Variants in PPP2R2D observed in about 807,000 individuals in gnomAD.
PPP2R2D encodes the protein serine/threonine-protein phosphatase 2A 55 kDa regulatory subunit B delta isoform.
PPP2R2D carries 9 observed loss-of-function variants against 31.1 expected under a neutral mutation model. The observed-to-expected ratio is 0.29, with a 90% CI of 0.17 to 0.51. The LOEUF is 0.51. PPP2R2D is among the 20% of genes least tolerant of loss of function. PPP2R2D has a pLI of 0.98. For missense variants in PPP2R2D, 391 were observed against 465.6 expected (o/e 0.84, Z 1.48); for synonymous variants, 179 against 172.6 (o/e 1.04, Z -0.29).
rs1437324257 is a variant in PPP2R2D, at chr10:131,957,930, T to G, written c.*1967T>G. 5.2e-4 allele frequency: 53 copies of G among 101,700 alleles called. No individual in the cohort carries two copies. The highest frequency in any genetic ancestry group is 1.0e-3 in the South Asian group (4 of 4,000). 6.3% of individuals were successfully genotyped at this position (101,700 alleles called of 1,614,324 possible). On this transcript the variant is annotated 3_prime_UTR_variant, in exon 9 of 9. Transcript: ENST00000455566. Reference sequence around the variant, plus strand: ...CCCCGTCCCCCTGTGGAGATGAAGGTGTGTGCTGATCCCCCATCTCCCTGT... The same window carrying G: ...CCCCGTCCCCCTGTGGAGATGAAGGGGTGTGCTGATCCCCCATCTCCCTGT...
chr10:131,953,041 G>A (rs1359517550), intron 8 of PPP2R2D, among the ~76,000 whole-genome samples: 2 of 142,554 alleles, frequency 1.4e-5, no homozygotes, highest in Middle Eastern at 3.6e-3. Context: ...GTGTGCAGGG[G>A]GTTTCACTGT....
intron 8 of PPP2R2D, among the ~76,000 whole-genome samples, chr10:131,954,734 G>A (rs1035580600): frequency 6.6e-6 from 1 of 152,142 alleles, no homozygotes; most frequent in Non-Finnish European, 1.5e-5. Context: ...GAAGGGAAGC[G>A]GCCCGCTTCT....
chr10:131,935,034 C>G, intron 3 of PPP2R2D: 1 of 450,386 alleles, frequency 2.2e-6, no homozygotes, highest in East Asian at 7.0e-5. Flanking sequence ...CTCCATGCCC[C>G]CTTGAAGGCT....
chr10:131,955,365 A>G (rs920159019), intron 8 of PPP2R2D, among the ~76,000 whole-genome samples: 20 of 152,348 alleles, frequency 1.3e-4, no homozygotes, highest in African/African-American at 4.3e-4. Flanking sequence ...ATAAGGCTTA[A>G]AAATAAACTG....
chr10:131,957,891 TG>T lies in PPP2R2D; in HGVS notation c.*1930del, dbSNP rs1302912375. On this transcript the variant is annotated 3_prime_UTR_variant, in exon 9 of 9. Transcript: ENST00000455566. ...TTGATCCCCTGTCCCCCTGTGGAGA[TG>T]GTGTGTGCTGATCCCCGTCCCCCTG... 5 of 108,668 alleles carry T rather than the reference TG, an allele frequency of 4.6e-5. No homozygotes were observed. Among genetic ancestry groups the T allele is most frequent in the African/African-American group, 1.5e-4 (4 of 26,128 alleles). 6.7% of individuals were successfully genotyped at this position (108,668 alleles called of 1,614,324 possible). A position where few individuals can be genotyped will look rare whatever the true frequency, so the allele number is the denominator to read the frequency against.
intron 8 of PPP2R2D, among the ~76,000 whole-genome samples, chr10:131,953,183 GGT>G (rs377258044): frequency 0.019 from 494 of 26,602 alleles, no homozygotes; most frequent in Middle Eastern, 0.032. Context: ...GTGTGCGGGG[GGT>G]TTCACTGTCT....
Position 131,955,932 on chromosome 10 carries a change from A to T in PPP2R2D, c.1331A>T (p.Asn444Ile). 3.2e-6 allele frequency: 5 copies of T among 1,575,402 alleles called. No homozygotes were observed. The highest frequency in any genetic ancestry group is 4.3e-6 in the Non-Finnish European group (5 of 1,157,254). ...DNVIAVAATN[N>I]LYIFQDKIN ...GTCATTGCCGTGGCTGCCACCAATA[A>T]CTTGTACATATTCCAGGACAAAATC... is the stretch of plus-strand genomic sequence containing the variant. The change falls in exon 9 of 9, where the codon AAC becomes ATC. Residue 444 changes from asparagine to isoleucine, a missense_variant. Asn to Ile is a moderately radical substitution (Grantham distance 149, BLOSUM62 -3). Coordinates refer to ENST00000455566, the MANE Select transcript of PPP2R2D (RefSeq NM_018461.5).
At position 131,901,455 on chromosome 10, in the gene PPP2R2D, G is replaced by A. The variant is rs1262057146; in HGVS notation, c.100+125G>A. ...GGAGGATGGGGGCCGGGCGGGGCAG[G>A]GGCCAGGGGCCGAGCTGGGGGCCGT... is the stretch of plus-strand genomic sequence containing the variant. On this transcript the variant is annotated intron_variant, in intron 2 of 8. Transcript: ENST00000455566. The A allele has an allele frequency of 4.0e-3, 1,309 of 323,854 alleles. 7 individuals carry two copies. The highest frequency in any genetic ancestry group is 3.8e-3 in the Non-Finnish European group (681 of 177,720). The allele number at this position is 323,854 out of a possible 1,614,324, so 20.1% of individuals were successfully genotyped here.
downstream of PPP2R2D, among the ~76,000 whole-genome samples, chr10:131,961,274 C>A (rs931078210): frequency 6.6e-6 from 1 of 152,182 alleles, no homozygotes; most frequent in Admixed American, 6.5e-5. Flanking sequence ...CAGCAGTCCC[C>A]GACAGTGGGC....
At chr10:131,955,450 T>C (rs1414972347) in intron 8 of PPP2R2D, among the ~76,000 whole-genome samples, 3 of 152,230 alleles carry the variant, frequency 2.0e-5, no homozygotes, top group Non-Finnish European at 4.4e-5. Flanking sequence ...TGTGACTCCA[T>C]TATTTTGTTT....
chr10:131,913,206 T>G (rs2119751068), intron 2 of PPP2R2D, among the ~76,000 whole-genome samples: 1 of 149,958 alleles, frequency 6.7e-6, no homozygotes, highest in African/African-American at 2.5e-5. Flanking sequence ...TTTTTTTGTA[T>G]TTTTAGTAGA....
intron 2 of PPP2R2D, 118 bp downstream of exon 2, chr10:131,901,448 G>A: frequency 3.1e-6 from 1 of 325,400 alleles, no homozygotes; most frequent in South Asian, 1.4e-4. Context: ...GGGGCCGGGC[G>A]GGGCAGGGGC....
intron 2 of PPP2R2D, among the ~76,000 whole-genome samples, chr10:131,903,633 G>T (rs1427789245): frequency 6.6e-6 from 1 of 152,132 alleles, no homozygotes; most frequent in African/African-American, 2.4e-5. Flanking sequence ...TTGCTTTGTG[G>T]TAATTATCTG....
chr10:131,963,623 C>T (rs1050178223), downstream of PPP2R2D, among the ~76,000 whole-genome samples: 5 of 152,270 alleles, frequency 3.3e-5, no homozygotes, highest in Admixed American at 6.5e-5. Context: ...ACGTCGGACG[C>T]GGCTTCTGAC....
chr10:131,947,526 T>A lies in PPP2R2D; in HGVS notation c.821-4T>A. 1.2e-6 allele frequency: 2 copies of A among 1,608,356 alleles called. No individual in the cohort carries two copies. The highest frequency in any genetic ancestry group is 2.2e-5 in the South Asian group (2 of 90,648). On this transcript the variant is annotated splice_polypyrimidine_tract_variant and splice_region_variant and intron_variant, in intron 7 of 8. Transcript: ENST00000455566. The surrounding 1 kb of genome is among the most constrained non-coding windows in gnomAD (Gnocchi z 4.3). ...AGCTGAAAACATTTTATTTTGTTTT[T>A]CAGTTTTTGAAGAGCCTGAAGATCC...
At chr10:131,910,936 G>A (rs961801511) in intron 2 of PPP2R2D, among the ~76,000 whole-genome samples, 1 of 152,294 alleles carries the variant, frequency 6.6e-6, no homozygotes, top group African/African-American at 2.4e-5. Flanking sequence ...CTGGAGGGGG[G>A]CCCACCCAGA....
At chr10:131,953,558 G>T (rs1189945758) in intron 8 of PPP2R2D, among the ~76,000 whole-genome samples, 1 of 140,074 alleles carries the variant, frequency 7.1e-6, no homozygotes, top group Non-Finnish European at 1.5e-5. Flanking sequence ...ACTTGTGGTT[G>T]TGTGTGTGGG....
rs1462982639 is a variant in PPP2R2D, at chr10:131,921,123, G to A, written c.101-13335G>A. Among the ~76,000 whole-genome samples, 4 of 152,240 alleles carry A rather than the reference G, an allele frequency of 2.6e-5. No individual in the cohort carries two copies. The East Asian group carries it at 5.8e-4, about 22-fold the overall frequency. Reference sequence around the variant, plus strand: ...TCCCCTTTTGATACCAGCTCTCAGAGTGATGATCGTTTCTGTATAGGCAAG... The same window carrying A: ...TCCCCTTTTGATACCAGCTCTCAGAATGATGATCGTTTCTGTATAGGCAAG... On this transcript the variant is annotated intron_variant, in intron 2 of 8. Coordinates refer to ENST00000455566, the MANE Select transcript of PPP2R2D (RefSeq NM_018461.5).
chr10:131,945,518 G>T lies in PPP2R2D; in HGVS notation c.820+59G>T. 1 of 1,539,322 alleles carries T rather than the reference G, an allele frequency of 6.5e-7. No individual in the cohort carries two copies. The highest frequency in any genetic ancestry group is 2.3e-5 in the East Asian group (1 of 43,228). On this transcript the variant is annotated intron_variant, in intron 7 of 8. Transcript: ENST00000455566. This position sits in a 1 kb window ranked among gnomAD's most constrained non-coding sequence, Gnocchi z 4.8. ...TCTGTCACCCAGGCTGCGGTGCAGT[G>T]ACACAGTCTCGGCTCACGGCAAGCT...
Sources: allele counts gnomAD v4.1 joint callset (sites outside exome capture counted in the v4.1 genomes callset), GRCh38; gene constraint gnomAD v4.1.1; non-coding constraint Gnocchi (gnomAD v3.1); transcripts MANE v1.5; gene names NCBI Gene and HGNC (gene_info 2026-07-23, HGNC 2026-07-21).